The following RNF14 variants were observed in gnomAD, a reference collection of about 807,000 sequenced individuals.
RNF14 encodes the protein ring finger protein 14.
A neutral mutation model predicts 52.6 loss-of-function variants in RNF14; 26 were observed. That is an observed-to-expected ratio of 0.49 (90% CI 0.36 to 0.69). The LOEUF is 0.69. RNF14 is among the 30% of genes least tolerant of loss of function. RNF14 has a pLI of 0.00. For synonymous variants in RNF14, 194 were observed against 202.0 expected (o/e 0.96, Z 0.34); for missense variants, 404 against 560.4 (o/e 0.72, Z 2.82).
chr5:141,968,587 A>G (rs1393752532), upstream of RNF14, among the ~76,000 whole-genome samples: 1 of 152,240 alleles, frequency 6.6e-6, no homozygotes, highest in African/African-American at 2.4e-5. Context: ...TAAAGTGAGA[A>G]TAACAAATGG....
upstream of RNF14, chr5:141,957,273 A>G (rs771644002): frequency 7.4e-6 from 12 of 1,613,862 alleles, no homozygotes; most frequent in Admixed American, 6.7e-5. This position sits in a 1 kb window ranked among gnomAD's most constrained non-coding sequence, Gnocchi z 4.3. Context: ...TGAGTTCTGC[A>G]TGTTTGGTCT....
upstream of RNF14, chr5:141,968,826 T>C (rs1192451842): frequency 6.6e-6 from 1 of 152,180 alleles, no homozygotes; most frequent in African/African-American, 2.4e-5. Context: ...GGTCTGGGAT[T>C]GTTGTGAGAG....
intron 4 of RNF14, among the ~76,000 whole-genome samples, chr5:141,977,928 C>T (rs1450642017): frequency 6.6e-6 from 1 of 152,184 alleles, no homozygotes; most frequent in East Asian, 1.9e-4. Context: ...ATTTTTAGAA[C>T]TAGATCTCTT....
chr5:141,951,771 C>CGA, the RNF14 span, among the ~76,000 whole-genome samples: 71 of 152,340 alleles, frequency 4.7e-4, 1 homozygote, highest in South Asian at 0.013. Flanking sequence ...CGGGCAGGTC[C>CGA]CCTGCTCTGT....
the RNF14 span, chr5:141,951,372 G>A: frequency 2.7e-6 from 2 of 729,378 alleles, no homozygotes; most frequent in Non-Finnish European, 2.4e-6. Context: ...GCTGTCTGCT[G>A]CACCCTCCCA....
the RNF14 span, chr5:141,949,417 C>T: frequency 6.2e-7 from 1 of 1,607,348 alleles, no homozygotes; most frequent in Non-Finnish European, 8.5e-7. Context: ...CAAGGTAACT[C>T]CAGGGGGTCC....
chr5:141,963,755 T>C (rs188551264), upstream of RNF14, among the ~76,000 whole-genome samples: 300 of 152,364 alleles, frequency 2.0e-3, no homozygotes, highest in Non-Finnish European at 3.5e-3. Flanking sequence ...TTGGTTTTTT[T>C]CTTCATATAG....
intron 6 of RNF14, among the ~76,000 whole-genome samples, chr5:141,982,415 A>G (rs1173428585): frequency 6.6e-6 from 1 of 152,238 alleles, no homozygotes; most frequent in Non-Finnish European, 1.5e-5. Context: ...GAGTGGAGAT[A>G]GGATATAGGA....
At chr5:141,982,809 G>GT (rs1174905808) in intron 6 of RNF14, 1 of 152,210 alleles carries the variant, frequency 6.6e-6, no homozygotes, top group African/African-American at 2.4e-5. Flanking sequence ...TTTGTATTTG[G>GT]TAGGCCTCTT....
chr5:141,966,555 C>T (rs1430202466), upstream of RNF14, among the ~76,000 whole-genome samples: 1 of 152,110 alleles, frequency 6.6e-6, no homozygotes, highest in African/African-American at 2.4e-5. Flanking sequence ...GAGGGCTAGG[C>T]ACACGGGGAG....
chr5:141,967,099 G>C (rs1753368613), upstream of RNF14, among the ~76,000 whole-genome samples: 1 of 152,180 alleles, frequency 6.6e-6, no homozygotes, highest in Non-Finnish European at 1.5e-5. Context: ...CAGAAAATTA[G>C]AAGTGATTAT....
At chr5:141,975,079 T>A in intron 4 of RNF14, 124 bp downstream of exon 4, 1 of 1,026,126 alleles carries the variant, frequency 9.7e-7, no homozygotes, top group Non-Finnish European at 1.4e-6. Context: ...GTTTTGTAAT[T>A]TTTTTCCCTT....
At chr5:141,954,246 G>A (rs185838961), upstream of RNF14, among the ~76,000 whole-genome samples, 4 of 152,286 alleles carry the variant, frequency 2.6e-5, no homozygotes, top group Admixed American at 6.5e-5. Context: ...TGCCCCATCC[G>A]CAGGCCCAGC....
the RNF14 span, chr5:141,949,426 C>T: frequency 6.2e-7 from 1 of 1,610,964 alleles, no homozygotes; most frequent in Non-Finnish European, 8.5e-7. Context: ...TCCAGGGGGT[C>T]CCTACCTGTG....
chr5:141,955,219 C>T (rs1365573428), upstream of RNF14: 2 of 1,614,230 alleles, frequency 1.2e-6, no homozygotes, highest in East Asian at 2.2e-5. This position sits in a 1 kb window ranked among gnomAD's most constrained non-coding sequence, Gnocchi z 5.5. Flanking sequence ...CTTCAGAGGC[C>T]TGGAACGTGG....
At chr5:141,954,873 A>G, upstream of RNF14, 1 of 1,445,130 alleles carries the variant, frequency 6.9e-7, no homozygotes, top group Non-Finnish European at 9.3e-7. Flanking sequence ...GGTGAGCCTA[A>G]GGAAGAAACA....
intron 4 of RNF14, among the ~76,000 whole-genome samples, chr5:141,976,970 T>C (rs1754325176): frequency 1.3e-5 from 2 of 152,102 alleles, no homozygotes; most frequent in South Asian, 4.1e-4. Flanking sequence ...TTGTATTTTT[T>C]AGTAGAGACA....
upstream of RNF14, among the ~76,000 whole-genome samples, chr5:141,964,788 T>A (rs1285616409): frequency 6.7e-6 from 1 of 149,056 alleles, no homozygotes; most frequent in Non-Finnish European, 1.5e-5. Context: ...TAATTTTTTT[T>A]TTTTTTTTTT....
upstream of RNF14, among the ~76,000 whole-genome samples, chr5:141,965,164 G>A (rs576922506): frequency 1.3e-4 from 20 of 152,254 alleles, 1 homozygote; most frequent in Non-Finnish European, 2.6e-4. Context: ...GAGTGCTTGC[G>A]AGTGGTGGCC....
Sources: allele counts gnomAD v4.1 joint callset (sites outside exome capture counted in the v4.1 genomes callset), GRCh38; gene constraint gnomAD v4.1.1; non-coding constraint Gnocchi (gnomAD v3.1); transcripts MANE v1.5; gene names NCBI Gene and HGNC (gene_info 2026-07-23, HGNC 2026-07-21).